Variants in CACNA1B observed in about 807,000 individuals in gnomAD.
CACNA1B encodes calcium voltage-gated channel subunit alpha1 B.
CACNA1B carries 70 observed loss-of-function variants against 247.2 expected under a neutral mutation model. That is an observed-to-expected ratio of 0.28 (90% CI 0.23 to 0.35). The LOEUF is 0.35. Ranked by LOEUF, CACNA1B falls within the 10% of genes least tolerant of loss-of-function variation. The pLI is 1.00. For missense variants in CACNA1B, 2,367 were observed against 3,197.4 expected (o/e 0.74, Z 6.26); for synonymous variants, 1,231 against 1,294.4 (o/e 0.95, Z 1.05).
At position 138,086,081 on chromosome 9, in the gene CACNA1B, A is replaced by G. The variant is rs1015919932; in HGVS notation, c.5094+7823A>G. Reference sequence around the variant, plus strand: ...AGAGGAAGAAAGGAAGAAAAGATATACAAAACAACCAGAAAACAATTAACA... The same window carrying G: ...AGAGGAAGAAAGGAAGAAAAGATATGCAAAACAACCAGAAAACAATTAACA... On this transcript the variant is annotated intron_variant, in intron 36 of 46. Coordinates refer to ENST00000371372, the MANE Select transcript of CACNA1B (RefSeq NM_000718.4). Among the ~76,000 whole-genome samples, 14 of 151,366 alleles carry G rather than the reference A, an allele frequency of 9.2e-5. 2 individuals carry two copies. Among genetic ancestry groups the G allele is most frequent in the African/African-American group, 3.4e-4 (14 of 40,936 alleles).
intron 20 of CACNA1B, among the ~76,000 whole-genome samples, chr9:138,038,236 T>C (rs1031063007): frequency 6.6e-6 from 1 of 152,222 alleles, no homozygotes; most frequent in African/African-American, 2.4e-5. Context: ...TTGGCCAATG[T>C]TCACCCTTTC....
At chr9:137,948,423 T>G (rs569493892) in intron 6 of CACNA1B, among the ~76,000 whole-genome samples, 2 of 152,342 alleles carry the variant, frequency 1.3e-5, no homozygotes, top group South Asian at 4.1e-4. Context: ...AATTCTATCG[T>G]TCTTTGTTTT....
rs756586046 is a variant in CACNA1B at position 138,010,092 on chromosome 9, G to T, written c.2160+15G>T. 3 of 1,607,124 alleles carry T rather than the reference G, an allele frequency of 1.9e-6. No homozygotes were observed. The highest frequency in any genetic ancestry group is 2.6e-6 in the Non-Finnish European group (3 of 1,173,660). ...AGCTGACCAAGGTAGGTGGCGACAGGGAGGGACCGGTGTCAGCCCATGTCA... is the reference window on the plus strand; with the variant it reads ...AGCTGACCAAGGTAGGTGGCGACAGTGAGGGACCGGTGTCAGCCCATGTCA... On this transcript the variant is annotated intron_variant, in intron 17 of 46. Transcript: ENST00000371372. The surrounding 1 kb of genome is among the most constrained non-coding windows in gnomAD (Gnocchi z 5.3).
intron 36 of CACNA1B, among the ~76,000 whole-genome samples, chr9:138,090,846 G>A (rs1286551848): frequency 1.3e-5 from 2 of 151,560 alleles, no homozygotes; most frequent in Non-Finnish European, 2.9e-5. Context: ...TCAGGGAAAT[G>A]CAAATCAAAA....
intron 12 of CACNA1B, among the ~76,000 whole-genome samples, chr9:137,978,050 C>G (rs1401251236): frequency 2.1e-5 from 3 of 140,800 alleles, no homozygotes; most frequent in African/African-American, 8.0e-5. Flanking sequence ...GAGCACTACC[C>G]TCCCCCCCAG....
intron 3 of CACNA1B, among the ~76,000 whole-genome samples, chr9:137,893,548 G>A (rs1588987020): frequency 6.6e-6 from 1 of 151,788 alleles, no homozygotes; most frequent in African/African-American, 2.4e-5. Context: ...TTACTCAGGG[G>A]GCTGAGGCAG....
intron 10 of CACNA1B, among the ~76,000 whole-genome samples, chr9:137,969,263 G>A (rs1428586818): frequency 2.0e-5 from 3 of 152,240 alleles, no homozygotes; most frequent in Admixed American, 6.5e-5. Flanking sequence ...CTCTAAAGTC[G>A]ATGTTTACAG....
Position 138,023,449 on chromosome 9 carries a change from G to A in CACNA1B, c.2706G>A (p.Ala902=). The change falls in exon 19 of 47, where the codon GCG becomes GCA. Residue 902 remains alanine (A), a synonymous_variant. Transcript: ENST00000371372. ...HSKEAAGPPE[A]RSERGRGPGP... is the part of the protein sequence containing the mutation. ...AGGAGGCCGCGGGGCCCCCGGAGGC[G>A]CGGAGCGAGCGCGGCCGAGGCCCAG... The A allele has an allele frequency of 2.4e-6, 3 of 1,227,662 alleles. No individual in the cohort carries two copies. The highest frequency in any genetic ancestry group is 7.0e-5 in the South Asian group (2 of 28,694). The allele number at this position is 1,227,662 out of a possible 1,614,324, so 76.0% of individuals were successfully genotyped here. A position where few individuals can be genotyped will look rare whatever the true frequency, so the allele number is the denominator to read the frequency against.
At chr9:137,937,091 T>A (rs530936257) in intron 6 of CACNA1B, among the ~76,000 whole-genome samples, 1 of 152,304 alleles carries the variant, frequency 6.6e-6, no homozygotes, top group African/African-American at 2.4e-5. Context: ...ATTTTCACAA[T>A]ATTGATTCTT....
rs575969172 is a variant in CACNA1B, at chr9:137,905,108, A to C, written c.531-8072A>C. Reference sequence around the variant, plus strand: ...GGTGGCTTATACCTGTAATCCCAGCACTTTGGGAGGCCGAGGCGGGTGGAT... The same window carrying C: ...GGTGGCTTATACCTGTAATCCCAGCCCTTTGGGAGGCCGAGGCGGGTGGAT... On this transcript the variant is annotated intron_variant, in intron 3 of 46. Transcript: ENST00000371372. Among the ~76,000 whole-genome samples, 4 of 152,286 alleles carry C rather than the reference A, an allele frequency of 2.6e-5. No individual in the cohort carries two copies. In the East Asian group the frequency reaches 7.7e-4, roughly 29 times the overall value.
chr9:137,952,167 C>A lies in CACNA1B; in HGVS notation c.967-107C>A. ...GGCCTCCCCACTGCCTGGACCCTACCAGGTGTGTGCTTCTGAGAAGGAGGC... is the reference window on the plus strand; with the variant it reads ...GGCCTCCCCACTGCCTGGACCCTACAAGGTGTGTGCTTCTGAGAAGGAGGC... On this transcript the variant is annotated intron_variant, in intron 6 of 46. Transcript: ENST00000371372. The surrounding 1 kb of genome is among the most constrained non-coding windows in gnomAD (Gnocchi z 4.8). The A allele has an allele frequency of 1.2e-6, 1 of 812,930 alleles. No individual in the cohort carries two copies. The highest frequency in any genetic ancestry group is 2.1e-6 in the Non-Finnish European group (1 of 478,978). 50.4% of individuals were successfully genotyped at this position (812,930 alleles called of 1,614,324 possible).
At position 137,971,375 on chromosome 9, in the gene CACNA1B, C is replaced by T. The variant is rs200222915; in HGVS notation, c.1334-8C>T. ...CCCCACATCCTCAGTAACTCCCCAT[C>T]CCCTCAGGATCCCCCTTCGCCCGCG... On this transcript the variant is annotated splice_region_variant and splice_polypyrimidine_tract_variant and intron_variant, in intron 10 of 46. Transcript: ENST00000371372. The surrounding 1 kb of genome is among the most constrained non-coding windows in gnomAD (Gnocchi z 4.4). 6.2e-7 allele frequency: 1 copy of T among 1,601,186 alleles called. No individual in the cohort carries two copies. Among genetic ancestry groups the T allele is most frequent in the Non-Finnish European group, 8.5e-7 (1 of 1,172,540 alleles).
intron 36 of CACNA1B, among the ~76,000 whole-genome samples, chr9:138,087,689 T>C (rs1322262691): frequency 2.6e-5 from 3 of 113,254 alleles, no homozygotes; most frequent in African/African-American, 1.1e-4. Context: ...CACTCCAGCC[T>C]GGTGACAGAG....
rs562616920 is a variant in CACNA1B, at chr9:137,974,323, C to T, written c.1544-1584C>T. 3.9e-5 allele frequency among the ~76,000 whole-genome samples: 6 copies of T among 152,272 alleles called. No homozygotes were observed. In the East Asian group the frequency reaches 9.6e-4, roughly 24 times the overall value. Reference sequence around the variant, plus strand: ...ATCCATGCCTCTCACAGGGGGCTCTCGGCTTCTCCAGGGACACTGCTTGGC... The same window carrying T: ...ATCCATGCCTCTCACAGGGGGCTCTTGGCTTCTCCAGGGACACTGCTTGGC... On this transcript the variant is annotated intron_variant, in intron 11 of 46. Coordinates refer to ENST00000371372, the MANE Select transcript of CACNA1B (RefSeq NM_000718.4). This position sits in a 1 kb window ranked among gnomAD's most constrained non-coding sequence, Gnocchi z 4.5.
chr9:138,070,465 T>A (rs1263692962), intron 32 of CACNA1B, among the ~76,000 whole-genome samples: 2 of 152,198 alleles, frequency 1.3e-5, no homozygotes. Flanking sequence ...TCATTTGGAG[T>A]GCAGGTCCAA....
rs1185088594 is a variant in CACNA1B, at chr9:138,047,416, T to C, written c.3561T>C (p.Asp1187=). 4 of 1,611,864 alleles carry C rather than the reference T, an allele frequency of 2.5e-6. No individual in the cohort carries two copies. Among genetic ancestry groups the C allele is most frequent in the South Asian group, 1.1e-5 (1 of 91,036 alleles). ...GGTTTCAGGCTCTGAAATACCTGGA[T>C]TACATTTTCACTGGTGTCTTTACCT... ...SPRNNALKYL[D]YIFTGVFTFE... is the part of the protein sequence containing the mutation. The change falls in exon 23 of 47, where the codon GAT becomes GAC. Residue 1187 remains aspartate, a synonymous_variant. Transcript: ENST00000371372.
intron 37 of CACNA1B, chr9:138,101,222 A>G: frequency 1.9e-6 from 1 of 522,792 alleles, no homozygotes; most frequent in East Asian, 5.6e-5. Flanking sequence ...CAGAGCCTCC[A>G]TCCAACATAC....
rs1012565353 is a variant in CACNA1B at position 137,957,818 on chromosome 9, C to A, written c.1333+131C>A. ...CAAACGCCTGCAGGCTCCTTTCAGA[C>A]AGTTTGCTGCTCCTGGCTTTGTGAC... On this transcript the variant is annotated intron_variant, in intron 10 of 46. Transcript: ENST00000371372. The surrounding 1 kb of genome is among the most constrained non-coding windows in gnomAD (Gnocchi z 4.7). The A allele has an allele frequency of 1.8e-5, 10 of 566,018 alleles. No homozygotes were observed. In the Admixed American group the frequency reaches 3.3e-4, roughly 19 times the overall value. 35.1% of individuals were successfully genotyped at this position (566,018 alleles called of 1,614,324 possible).
chr9:138,019,954 G>A (rs1294306540), intron 18 of CACNA1B, among the ~76,000 whole-genome samples: 3 of 151,890 alleles, frequency 2.0e-5, no homozygotes, highest in Non-Finnish European at 4.4e-5. Flanking sequence ...AAAATTAGCC[G>A]TGAGTGGTGG....
Sources: allele counts gnomAD v4.1 joint callset (sites outside exome capture counted in the v4.1 genomes callset), GRCh38; gene constraint gnomAD v4.1.1; non-coding constraint Gnocchi (gnomAD v3.1); transcripts MANE v1.5; gene names NCBI Gene and HGNC (gene_info 2026-07-23, HGNC 2026-07-21).